COL23A1: variants seen among roughly 807,000 people sequenced by gnomAD.
COL23A1 encodes the protein collagen alpha-1(XXIII) chain.
In COL23A1, 97 loss-of-function variants were observed where a neutral mutation model predicts 99.3. That is an observed-to-expected ratio of 0.98 (90% CI 0.83 to 1.16). The LOEUF is 1.16. Among genes scored for constraint, COL23A1 ranks in the 50% most tolerant of loss-of-function variants. The pLI is 0.00. For synonymous variants in COL23A1, 320 were observed against 308.2 expected (o/e 1.04, Z -0.40); for missense variants, 762 against 757.4 (o/e 1.01, Z -0.07).
chr5:178,389,430 G>A (rs140633624), intron 2 of COL23A1, among the ~76,000 whole-genome samples: 10 of 152,262 alleles, frequency 6.6e-5, no homozygotes, highest in Non-Finnish European at 7.3e-5. Context: ...TGCATTTCAC[G>A]ACTAAGCTGC....
At chr5:178,326,539 T>A (rs1759674575) in intron 2 of COL23A1, among the ~76,000 whole-genome samples, 1 of 152,236 alleles carries the variant, frequency 6.6e-6, no homozygotes, top group East Asian at 1.9e-4. Context: ...CGTGAACATG[T>A]GGGCCCTGGC....
chr5:178,279,923 T>C (rs1756797669), intron 5 of COL23A1, among the ~76,000 whole-genome samples: 1 of 152,188 alleles, frequency 6.6e-6, no homozygotes, highest in Non-Finnish European at 1.5e-5. Context: ...AGCTGGAATT[T>C]GTGGGAGTTT....
intron 6 of COL23A1, among the ~76,000 whole-genome samples, chr5:178,269,922 C>T (rs1471968237): frequency 6.6e-6 from 1 of 152,234 alleles, no homozygotes; most frequent in Non-Finnish European, 1.5e-5. Context: ...GCTGAGGCTC[C>T]TGGCCCAGAT....
intron 2 of COL23A1, among the ~76,000 whole-genome samples, chr5:178,493,591 C>G (rs1426855130): frequency 6.6e-6 from 1 of 152,246 alleles, no homozygotes; most frequent in Non-Finnish European, 1.5e-5. Flanking sequence ...CCTCAAGTTT[C>G]AAGGCCCTGC....
In COL23A1 at chr5:178,543,817, C is replaced by A. The variant is rs262019; in HGVS notation, c.361+16865G>T. Among the ~76,000 whole-genome samples, 853 of 152,132 alleles carry A rather than the reference C, an allele frequency of 5.6e-3. 7 individuals are homozygous for A. The highest frequency in any genetic ancestry group is 0.02 in the African/African-American group (812 of 41,514). The stretch of plus-strand genomic sequence containing the variant: ...TCTAAGAAAACCTACCAGTGGCTTG[C>A]AAAAAAGACTGGGTGGCCTACAAAC... On this transcript the variant is annotated intron_variant, in intron 2 of 28. Coordinates refer to ENST00000390654, the MANE Select transcript of COL23A1 (RefSeq NM_173465.4).
In COL23A1 at chr5:178,589,770, G is replaced by T; in HGVS notation, c.294+134C>A. 1 of 911,140 alleles carries T rather than the reference G, an allele frequency of 1.1e-6. No homozygotes were observed. Among genetic ancestry groups the T allele is most frequent in the Non-Finnish European group, 1.4e-6 (1 of 699,420 alleles). 56.4% of individuals were successfully genotyped at this position (911,140 alleles called of 1,614,324 possible). Reference sequence around the variant, plus strand: ...TTGGCGCAGACGTGCCCATCTCTGGGACGGCCCCGAGCGCACGCAGCCGGC... The same window carrying T: ...TTGGCGCAGACGTGCCCATCTCTGGTACGGCCCCGAGCGCACGCAGCCGGC... On this transcript the variant is annotated intron_variant, in intron 1 of 28. Coordinates refer to ENST00000390654, the MANE Select transcript of COL23A1 (RefSeq NM_173465.4). The surrounding 1 kb of genome is among the most constrained non-coding windows in gnomAD (Gnocchi z 5.4).
intron 2 of COL23A1, among the ~76,000 whole-genome samples, chr5:178,487,806 C>T (rs1234514366): frequency 1.3e-5 from 2 of 152,210 alleles, no homozygotes; most frequent in Non-Finnish European, 2.9e-5. Context: ...ACAGCCAGAT[C>T]CCACTGAAAA....
At chr5:178,246,609 C>A (rs1015321560) in intron 22 of COL23A1, among the ~76,000 whole-genome samples, 156 bp from the exon 23 acceptor site, 7 of 152,334 alleles carry the variant, frequency 4.6e-5, no homozygotes, top group African/African-American at 1.7e-4. Context: ...TGAGGGTGAT[C>A]AGGAGGAGCT....
At chr5:178,358,411 ATGTGTATGTGTG>A (rs1761933372) in intron 2 of COL23A1, among the ~76,000 whole-genome samples, 1 of 117,112 alleles carries the variant, frequency 8.5e-6, no homozygotes, top group African/African-American at 3.0e-5. Flanking sequence ...GTATGTGTGT[ATGTGTATGTGTG>A]TGTATGTGTA....
intron 20 of COL23A1, 104 bp downstream of exon 20, chr5:178,248,088 T>C: frequency 1.2e-6 from 1 of 837,214 alleles, no homozygotes; most frequent in Non-Finnish European, 2.0e-6. Flanking sequence ...CCTACTGCCC[T>C]GGGTTTGCTC....
At chr5:178,493,232 C>G (rs1758023637) in intron 2 of COL23A1, among the ~76,000 whole-genome samples, 2 of 152,310 alleles carry the variant, frequency 1.3e-5, no homozygotes, top group East Asian at 3.9e-4. Flanking sequence ...AAATCTCTTC[C>G]CCAGGCCATA....
intron 2 of COL23A1, among the ~76,000 whole-genome samples, chr5:178,416,056 C>T (rs897726581): frequency 6.6e-6 from 1 of 152,154 alleles, no homozygotes. Context: ...ACATCAGCTG[C>T]CCCAGTGCCA....
rs557010668 is a variant in COL23A1, at chr5:178,268,142, G to A, written c.495+588C>T. 3.3e-5 allele frequency among the ~76,000 whole-genome samples: 5 copies of A among 152,332 alleles called. No homozygotes were observed. The South Asian group carries it at 6.2e-4, about 19-fold the overall frequency. On this transcript the variant is annotated intron_variant, in intron 7 of 28. Coordinates refer to ENST00000390654, the MANE Select transcript of COL23A1 (RefSeq NM_173465.4). Reference sequence around the variant, plus strand: ...ACTTCCCATTTCCAAATTCTGGGTCGGGGGTGGACATGGTCCAGCTGTGGG... The same window carrying A: ...ACTTCCCATTTCCAAATTCTGGGTCAGGGGTGGACATGGTCCAGCTGTGGG...
At chr5:178,273,255 G>A (rs531850374) in intron 5 of COL23A1, among the ~76,000 whole-genome samples, 61 of 152,260 alleles carry the variant, frequency 4.0e-4, no homozygotes, top group African/African-American at 1.4e-3. Context: ...CAGTGCTGCC[G>A]GCTGTTTCTG....
At chr5:178,347,609 C>A (rs149935879) in intron 2 of COL23A1, among the ~76,000 whole-genome samples, 3 of 151,188 alleles carry the variant, frequency 2.0e-5, no homozygotes, top group African/African-American at 7.3e-5. Flanking sequence ...TAGGGCCGGG[C>A]GTGGTGGCTC....
At chr5:178,358,260 A>ATATGTGTGTATG (rs1205168031) in intron 2 of COL23A1, among the ~76,000 whole-genome samples, 49 of 119,480 alleles carry the variant, frequency 4.1e-4, no homozygotes, top group East Asian at 1.7e-3. Flanking sequence ...GTGTGTATGT[A>ATATGTGTGTATG]TATGTGTGTA....
chr5:178,556,607 G>A (rs1239598849), intron 2 of COL23A1, among the ~76,000 whole-genome samples: 3 of 135,460 alleles, frequency 2.2e-5, no homozygotes, highest in South Asian at 4.9e-4. Flanking sequence ...TGGGCAACAA[G>A]AACGAAACTC....
chr5:178,269,401 AT>A (rs1756115532), intron 6 of COL23A1, among the ~76,000 whole-genome samples: 1 of 86,132 alleles, frequency 1.2e-5, no homozygotes, highest in Non-Finnish European at 2.5e-5. Flanking sequence ...CCACCCATCC[AT>A]CCAACCATCC....
In COL23A1 at chr5:178,270,273, A is replaced by G. The variant is rs372568246; in HGVS notation, c.468+64T>C. 608 of 1,597,154 alleles carry G rather than the reference A, an allele frequency of 3.8e-4. 2 individuals carry two copies. The highest frequency in any genetic ancestry group is 1.9e-4 in the Non-Finnish European group (218 of 1,167,192). ...TGCTTCCCTCCAGTGCCTGCTGGTCACTCCTAGCCCCACGGTGGCAGCCCC... is the reference window on the plus strand; with the variant it reads ...TGCTTCCCTCCAGTGCCTGCTGGTCGCTCCTAGCCCCACGGTGGCAGCCCC... On this transcript the variant is annotated intron_variant, in intron 6 of 28. Coordinates refer to ENST00000390654, the MANE Select transcript of COL23A1 (RefSeq NM_173465.4).
Sources: gnomAD v4.1 joint callset for allele counts (sites outside exome capture counted in the v4.1 genomes callset) on GRCh38, gnomAD v4.1.1 for gene constraint, Gnocchi (gnomAD v3.1) non-coding constraint, MANE v1.5 for transcripts, NCBI Gene and HGNC (gene_info 2026-07-23, HGNC 2026-07-21) for gene names.